LARP1B: variants seen among roughly 807,000 people sequenced by gnomAD.
LARP1B encodes the protein La ribonucleoprotein 1B.
A neutral mutation model predicts 114.2 loss-of-function variants in LARP1B; 76 were observed. The observed-to-expected ratio is 0.67, with a 90% CI of 0.55 to 0.81. The LOEUF is 0.81. Among genes scored for constraint, LARP1B ranks in the 30% least tolerant of loss-of-function variants. LARP1B has a pLI of 0.00. For missense variants in LARP1B, 1,014 were observed against 1,075.8 expected (o/e 0.94, Z 0.80); for synonymous variants, 345 against 348.0 (o/e 0.99, Z 0.10).
Position 128,111,532 on chromosome 4 carries a change from A to G in LARP1B, c.989-3038A>G, listed in dbSNP as rs115690896. On this transcript the variant is annotated intron_variant, in intron 9 of 19. Transcript: ENST00000326639. The stretch of plus-strand genomic sequence containing the variant: ...TGGGTAACAAAGTGAGACCCAGTCT[A>G]CAAAATACATGTATTTTTATGTTGA... Among the ~76,000 whole-genome samples, 295 of 152,216 alleles carry G rather than the reference A, an allele frequency of 1.9e-3. 1 individual carries two copies. Among genetic ancestry groups the G allele is most frequent in the African/African-American group, 5.9e-3 (246 of 41,536 alleles).
At chr4:128,219,826 A>AATAC (rs1404946739) in intron 6 of LARP1B, among the ~76,000 whole-genome samples, 2 of 151,664 alleles carry the variant, frequency 1.3e-5, no homozygotes, top group East Asian at 3.9e-4. Context: ...TAAATAAATA[A>AATAC]ATAAATGGAA....
At chr4:128,103,825 G>A (rs1012224169) in intron 8 of LARP1B, among the ~76,000 whole-genome samples, 1 of 151,942 alleles carries the variant, frequency 6.6e-6, no homozygotes, top group Non-Finnish European at 1.5e-5. Context: ...GCCTCCCAAA[G>A]TGCTGGGATT....
Position 128,124,273 on chromosome 4 carries a change from GA to G in LARP1B, c.1524+2092del, listed in dbSNP as rs141907555. Among the ~76,000 whole-genome samples the G allele has an allele frequency of 5.3e-3, 805 of 151,978 alleles. 8 individuals are homozygous for G. The highest frequency in any genetic ancestry group is 0.019 in the African/African-American group (768 of 41,462). Reference sequence around the variant, plus strand: ...ACAAATTACAATAAATACTCTAAAAGAAAAAAACAGGATGCTATTTCATTGA... The same window carrying G: ...ACAAATTACAATAAATACTCTAAAAGAAAAAACAGGATGCTATTTCATTGA... On this transcript the variant is annotated intron_variant, in intron 11 of 19. Coordinates refer to ENST00000326639, the MANE Select transcript of LARP1B (RefSeq NM_018078.4).
At chr4:128,091,204 T>G (rs1775798987) in intron 6 of LARP1B, 60 bp downstream of exon 6, 2 of 1,582,524 alleles carry the variant, frequency 1.3e-6, no homozygotes, top group Non-Finnish European at 1.7e-6. Context: ...AGAGCAACTA[T>G]CCTCTATTAT....
At position 128,166,502 on chromosome 4, in the gene LARP1B, A is replaced by G. The variant is rs147238674; in HGVS notation, c.1648+4185A>G. 1.9e-4 allele frequency among the ~76,000 whole-genome samples: 29 copies of G among 151,770 alleles called. No homozygotes were observed. The East Asian group carries it at 5.4e-3, about 28-fold the overall frequency. On this transcript the variant is annotated intron_variant, in intron 12 of 19. Coordinates refer to ENST00000326639, the MANE Select transcript of LARP1B (RefSeq NM_018078.4). The stretch of plus-strand genomic sequence containing the variant: ...ATAAGGTGTACAACATGATGTTTTG[A>G]TATATATATAGTGTAATGGTTACAA...
intron 9 of LARP1B, 107 bp downstream of exon 9, chr4:128,107,420 A>C: frequency 6.6e-7 from 1 of 1,524,728 alleles, no homozygotes; most frequent in African/African-American, 1.4e-5. Flanking sequence ...AGGAAAATTA[A>C]AGCTAACTGA....
At chr4:128,107,409 T>C in intron 9 of LARP1B, 96 bp downstream of exon 9, 1 of 1,531,000 alleles carries the variant, frequency 6.5e-7, no homozygotes, top group East Asian at 2.4e-5. Flanking sequence ...TTAGATTTGA[T>C]AGGAAAATTA....
chr4:128,160,003 A>G (rs1737692869), intron 11 of LARP1B, among the ~76,000 whole-genome samples: 1 of 152,268 alleles, frequency 6.6e-6, no homozygotes, highest in South Asian at 2.1e-4. Context: ...AAAAACTTGC[A>G]GTGTATTCAT....
chr4:128,163,543 C>A, intron 12 of LARP1B, among the ~76,000 whole-genome samples: 1 of 152,022 alleles, frequency 6.6e-6, no homozygotes, highest in East Asian at 1.9e-4. Context: ...AGGTAGAATA[C>A]TTTTATAAAG....
At chr4:128,108,006 C>G in intron 9 of LARP1B, 1 of 1,527,520 alleles carries the variant, frequency 6.5e-7, no homozygotes, top group South Asian at 1.2e-5. Context: ...TGAAAGCGAT[C>G]AGACTGTCTT....
chr4:128,098,768 T>TATATATATATATATGTA (rs58280279), intron 8 of LARP1B, among the ~76,000 whole-genome samples: 3 of 18,898 alleles, frequency 1.6e-4, no homozygotes, highest in African/African-American at 6.4e-4. Context: ...TATATATATA[T>TATATATATATATATGTA]TTTTTTTTTT....
chr4:128,070,992 G>C lies in LARP1B; in HGVS notation c.-77-3468G>C, dbSNP rs560055857. The stretch of plus-strand genomic sequence containing the variant: ...AGAAGTAGAATTGTTAGGTTATAGG[G>C]CATTTTTTAAGTTTATGAGTCACTT... On this transcript the variant is annotated intron_variant, in intron 1 of 19. Coordinates refer to ENST00000326639, the MANE Select transcript of LARP1B (RefSeq NM_018078.4). Among the ~76,000 whole-genome samples, 845 of 151,754 alleles carry C rather than the reference G, an allele frequency of 5.6e-3. 10 individuals are homozygous for C. The highest frequency in any genetic ancestry group is 0.019 in the African/African-American group (795 of 41,392).
intron 4 of LARP1B, among the ~76,000 whole-genome samples, chr4:128,081,765 C>G (rs895166733): frequency 6.6e-6 from 1 of 152,158 alleles, no homozygotes; most frequent in Non-Finnish European, 1.5e-5. Context: ...TCTTGGACAA[C>G]CAGCTATCAC....
At chr4:128,105,900 AAATAAT>A (rs1005738504) in intron 8 of LARP1B, among the ~76,000 whole-genome samples, 10 of 152,182 alleles carry the variant, frequency 6.6e-5, no homozygotes, top group East Asian at 1.9e-4. Flanking sequence ...CAAAAAATAA[AAATAAT>A]AATAATAAAA....
intron 5 of LARP1B, among the ~76,000 whole-genome samples, chr4:128,089,106 G>T (rs1248946991): frequency 6.6e-6 from 1 of 151,978 alleles, no homozygotes; most frequent in African/African-American, 2.4e-5. Context: ...TTTGTTACTG[G>T]TTGTCACAAC....
intron 15 of LARP1B, among the ~76,000 whole-genome samples, chr4:128,196,322 A>C (rs1328054889): frequency 6.6e-6 from 1 of 150,504 alleles, no homozygotes; most frequent in Non-Finnish European, 1.5e-5. Context: ...ATTAACACCC[A>C]GCCTGCGCAA....
In LARP1B at chr4:128,179,529, A is replaced by ACATT. The variant is rs774697553; in HGVS notation, c.2003+18_2003+21dup. 13 of 1,488,470 alleles carry ACATT rather than the reference A, an allele frequency of 8.7e-6. No homozygotes were observed. The South Asian group carries it at 1.5e-4, about 18-fold the overall frequency. The allele number at this position is 1,488,470 out of a possible 1,614,324, so 92.2% of individuals were successfully genotyped here. A position where few individuals can be genotyped will look rare whatever the true frequency, so the allele number is the denominator to read the frequency against. On this transcript the variant is annotated intron_variant, in intron 15 of 19. Coordinates refer to ENST00000326639, the MANE Select transcript of LARP1B (RefSeq NM_018078.4). ...CTCTGTCAGGTACTATATTTCTCAAACATTACTTTTTTGTTCGTGATTTGA... is the reference window on the plus strand; with the variant it reads ...CTCTGTCAGGTACTATATTTCTCAAACATTCATTACTTTTTTGTTCGTGATTTGA...
chr4:128,135,616 A>C (rs1385916047), intron 11 of LARP1B, among the ~76,000 whole-genome samples: 1 of 152,242 alleles, frequency 6.6e-6, no homozygotes, highest in Non-Finnish European at 1.5e-5. Context: ...ATATTGCTGC[A>C]ACACGGATGA....
At chr4:128,069,257 A>T (rs1487926610) in intron 1 of LARP1B, 1 of 989,848 alleles carries the variant, frequency 1.0e-6, no homozygotes, top group African/African-American at 1.6e-5. Context: ...TGTATGTGGA[A>T]TCTTCACCAA....
Sources: gnomAD v4.1 joint callset for allele counts (sites outside exome capture counted in the v4.1 genomes callset) on GRCh38, gnomAD v4.1.1 for gene constraint, MANE v1.5 for transcripts, NCBI Gene and HGNC (gene_info 2026-07-23, HGNC 2026-07-21) for gene names.